The following PTPRT variants were observed in gnomAD, a reference collection of about 807,000 sequenced individuals.
PTPRT encodes receptor-type tyrosine-protein phosphatase T.
In PTPRT, 56 loss-of-function variants were observed where a neutral mutation model predicts 176.8. That is an observed-to-expected ratio of 0.32 (90% CI 0.26 to 0.40). The LOEUF is 0.40. Among genes scored for constraint, PTPRT ranks in the 10% least tolerant of loss-of-function variants. The pLI, the probability that PTPRT is intolerant of heterozygous loss-of-function variation, is 1.00. For synonymous variants in PTPRT, 783 were observed against 739.0 expected (o/e 1.06, Z -0.96); for missense variants, 1,540 against 1,908.2 (o/e 0.81, Z 3.60).
At chr20:42,711,812 T>C (rs1234647549) in intron 6 of PTPRT, among the ~76,000 whole-genome samples, 1 of 151,388 alleles carries the variant, frequency 6.6e-6, no homozygotes, top group African/African-American at 2.4e-5. Context: ...TCCTATCTAG[T>C]ATAGCTTTAA....
intron 14 of PTPRT, among the ~76,000 whole-genome samples, chr20:42,240,303 T>C (rs1426656972): frequency 3.3e-5 from 5 of 152,194 alleles, no homozygotes; most frequent in Admixed American, 2.0e-4. Flanking sequence ...CTTTATTCTG[T>C]GACCAAAACA....
intron 9 of PTPRT, among the ~76,000 whole-genome samples, chr20:42,427,377 C>T (rs942355690): frequency 6.6e-6 from 1 of 152,162 alleles, no homozygotes; most frequent in African/African-American, 2.4e-5. Context: ...GTTTGGGCTG[C>T]TATAACAAAT....
intron 1 of PTPRT, among the ~76,000 whole-genome samples, chr20:43,142,741 G>A (rs2014055076): frequency 1.3e-5 from 2 of 152,198 alleles, no homozygotes; most frequent in Non-Finnish European, 2.9e-5. Flanking sequence ...TGCCTATGGT[G>A]TACCAGATTC....
chr20:42,760,380 C>CTTTT lies in PTPRT; in HGVS notation c.685-3748_685-3745dup, dbSNP rs754362528. Among the ~76,000 whole-genome samples the CTTTT allele has an allele frequency of 1.9e-4, 18 of 94,232 alleles. 2 individuals are homozygous for CTTTT. The highest frequency in any genetic ancestry group is 6.9e-4 in the African/African-American group (16 of 23,270). The allele number at this position is 94,232 out of a possible 152,430, so 61.8% of individuals were successfully genotyped here. ...TTCTGGCAGTCTGTTTCTAAATCTGCTTTTTTTTTTTTTTTTTTTTTTTTT... is the reference window on the plus strand; with the variant it reads ...TTCTGGCAGTCTGTTTCTAAATCTGCTTTTTTTTTTTTTTTTTTTTTTTTTTTTT... On this transcript the variant is annotated intron_variant, in intron 5 of 30. Coordinates refer to ENST00000373187, the MANE Select transcript of PTPRT (RefSeq NM_007050.6).
intron 1 of PTPRT, among the ~76,000 whole-genome samples, chr20:43,020,891 G>A (rs1305661697): frequency 6.6e-6 from 1 of 152,026 alleles, no homozygotes; most frequent in Non-Finnish European, 1.5e-5. Flanking sequence ...CTATTTTACT[G>A]AAGAACTTTA....
chr20:42,797,550 C>T (rs946168517), intron 2 of PTPRT, among the ~76,000 whole-genome samples: 1 of 151,770 alleles, frequency 6.6e-6, no homozygotes, highest in African/African-American at 2.4e-5. Context: ...CCCTCCCCCG[C>T]AAACACAGTC....
intron 9 of PTPRT, among the ~76,000 whole-genome samples, chr20:42,396,110 T>C (rs1600951163): frequency 6.6e-6 from 1 of 152,212 alleles, no homozygotes; most frequent in Admixed American, 6.5e-5. Context: ...ACTTAACAGA[T>C]GCCAAACCTA....
chr20:42,731,555 C>T (rs866264793), intron 6 of PTPRT, among the ~76,000 whole-genome samples: 3 of 152,216 alleles, frequency 2.0e-5, no homozygotes, highest in African/African-American at 7.2e-5. Context: ...AGATGAGGCT[C>T]ACCACCAGGC....
intron 1 of PTPRT, among the ~76,000 whole-genome samples, chr20:42,901,543 A>G (rs1201887909): frequency 6.6e-6 from 1 of 152,182 alleles, no homozygotes; most frequent in Non-Finnish European, 1.5e-5. Context: ...GTCTCTGTGG[A>G]AGCTCCTGGC....
At chr20:42,151,981 A>T (rs1454017935) in intron 17 of PTPRT, among the ~76,000 whole-genome samples, 1 of 152,226 alleles carries the variant, frequency 6.6e-6, no homozygotes, top group Non-Finnish European at 1.5e-5. Context: ...ATTGTGGTCC[A>T]CGGGTTCAGT....
chr20:42,365,526 G>A (rs2058502239), intron 9 of PTPRT, among the ~76,000 whole-genome samples: 1 of 151,764 alleles, frequency 6.6e-6, no homozygotes, highest in Non-Finnish European at 1.5e-5. Context: ...TGGGGTCGAT[G>A]GCACCCCTAT....
intron 1 of PTPRT, among the ~76,000 whole-genome samples, chr20:43,155,477 G>A (rs776919628): frequency 2.0e-5 from 3 of 152,180 alleles, no homozygotes; most frequent in Non-Finnish European, 4.4e-5. Flanking sequence ...CTAAAAAAAA[G>A]TTGATCTCAT....
At chr20:42,476,832 A>G (rs2071298398) in intron 7 of PTPRT, among the ~76,000 whole-genome samples, 1 of 152,208 alleles carries the variant, frequency 6.6e-6, no homozygotes, top group Non-Finnish European at 1.5e-5. Flanking sequence ...CTCAGTGAAG[A>G]GATGTAACTT....
At chr20:42,786,774 G>A (rs780189275) in intron 3 of PTPRT, among the ~76,000 whole-genome samples, 17 of 152,174 alleles carry the variant, frequency 1.1e-4, no homozygotes, top group East Asian at 1.9e-4. Flanking sequence ...CTCACTGACC[G>A]TGCCCATGAG....
At position 42,162,928 on chromosome 20, in the gene PTPRT, T is replaced by G. The variant is rs367820084; in HGVS notation, c.2492-1386A>C. Among the ~76,000 whole-genome samples the G allele has an allele frequency of 3.3e-5, 5 of 152,358 alleles. 1 individual carries two copies. Among genetic ancestry groups the G allele is most frequent in the East Asian group, 3.9e-4 (2 of 5,176 alleles). ...AGGAAAGATAATGGAAGGGAACACC[T>G]GACCTTCCTGCTTTCTAGGTGACCA... On this transcript the variant is annotated intron_variant, in intron 16 of 30. Coordinates refer to ENST00000373187, the MANE Select transcript of PTPRT (RefSeq NM_007050.6).
At chr20:42,166,960 G>C (rs1989852232) in intron 16 of PTPRT, among the ~76,000 whole-genome samples, 1 of 152,002 alleles carries the variant, frequency 6.6e-6, no homozygotes, top group African/African-American at 2.4e-5. Context: ...TGTTGCATGA[G>C]GGGAACTCAA....
chr20:42,347,775 G>T (rs965343879), intron 11 of PTPRT, among the ~76,000 whole-genome samples: 3 of 152,204 alleles, frequency 2.0e-5, no homozygotes, highest in Non-Finnish European at 4.4e-5. Context: ...CTGTCTCCTT[G>T]TTCAGCAGCC....
intron 1 of PTPRT, among the ~76,000 whole-genome samples, chr20:42,930,470 C>T (rs892690625): frequency 6.6e-6 from 1 of 151,662 alleles, no homozygotes; most frequent in African/African-American, 2.4e-5. Context: ...ACTTTTTTTA[C>T]TTATTTCTAT....
Position 42,080,529 on chromosome 20 carries a change from C to T in PTPRT, c.*350G>A. Reference sequence around the variant, plus strand: ...GGCAGGGGAGCCTCCCACTCCCCAGCACCTGCACAGTTGGCTTGCCAAGAG... The same window carrying T: ...GGCAGGGGAGCCTCCCACTCCCCAGTACCTGCACAGTTGGCTTGCCAAGAG... On this transcript the variant is annotated 3_prime_UTR_variant, in exon 31 of 31. Transcript: ENST00000373187. 1 of 298,728 alleles carries T rather than the reference C, an allele frequency of 3.3e-6. No homozygotes were observed. The highest frequency in any genetic ancestry group is 6.3e-6 in the Non-Finnish European group (1 of 158,700). 18.5% of individuals were successfully genotyped at this position (298,728 alleles called of 1,614,324 possible).
Sources: gnomAD v4.1 joint callset for allele counts (sites outside exome capture counted in the v4.1 genomes callset) on GRCh38, gnomAD v4.1.1 for gene constraint, MANE v1.5 for transcripts, NCBI Gene and HGNC (gene_info 2026-07-23, HGNC 2026-07-21) for gene names.